PDGFD: variants seen among roughly 807,000 people sequenced by gnomAD.
PDGFD encodes the protein platelet-derived growth factor D.
A neutral mutation model predicts 44.7 loss-of-function variants in PDGFD; 30 were observed. The observed-to-expected ratio is 0.67, with a 90% CI of 0.50 to 0.91. The LOEUF is 0.91. Ranked by LOEUF, PDGFD falls within the 40% of genes least tolerant of loss-of-function variation. The pLI, the probability that PDGFD is intolerant of heterozygous loss-of-function variation, is 0.00. For synonymous variants in PDGFD, 173 were observed against 168.4 expected (o/e 1.03, Z -0.21); for missense variants, 445 against 457.8 (o/e 0.97, Z 0.25).
At chr11:104,154,499 G>A (rs146338130) in intron 1 of PDGFD, among the ~76,000 whole-genome samples, 1 of 152,276 alleles carries the variant, frequency 6.6e-6, no homozygotes, top group African/African-American at 2.4e-5. Context: ...CCGTGGAGCA[G>A]TGGGGATGAT....
At chr11:103,950,702 T>G (rs1181852960) in intron 3 of PDGFD, among the ~76,000 whole-genome samples, 3 of 152,152 alleles carry the variant, frequency 2.0e-5, no homozygotes, top group Non-Finnish European at 4.4e-5. Context: ...AACTGTGTGG[T>G]TGGTGACCTT....
In PDGFD at chr11:103,996,242, A is replaced by G. The variant is rs61751519; in HGVS notation, c.333T>C (p.Tyr111=). 1.9e-4 allele frequency: 305 copies of G among 1,607,604 alleles called. No individual in the cohort carries two copies. Among genetic ancestry groups the G allele is most frequent in the Non-Finnish European group, 2.5e-4 (291 of 1,176,652 alleles). ...ATATATCTTCAACTTCCACAAAATCATACCTAGAATCAATTGGACATAATG... is the reference window on the plus strand; with the variant it reads ...ATATATCTTCAACTTCCACAAAATCGTACCTAGAATCAATTGGACATAATG... The part of the protein sequence containing the change: ...LEEAENDICR[Y]DFVEVEDISE... The change falls in exon 3 of 7, where the codon TAT becomes TAC. Residue 111 remains tyrosine (Y), a synonymous_variant. Transcript: ENST00000393158.
At chr11:104,053,978 CAA>C (rs1302964484) in intron 1 of PDGFD, among the ~76,000 whole-genome samples, 1 of 152,104 alleles carries the variant, frequency 6.6e-6, no homozygotes, top group African/African-American at 2.4e-5. Flanking sequence ...ATAGAAAGAA[CAA>C]AAGAGGCCAG....
At chr11:104,088,385 A>G (rs763500059) in intron 1 of PDGFD, among the ~76,000 whole-genome samples, 1 of 152,170 alleles carries the variant, frequency 6.6e-6, no homozygotes. Flanking sequence ...AGCTCAATAC[A>G]TCACTTTTTT....
intron 6 of PDGFD, among the ~76,000 whole-genome samples, chr11:103,914,774 G>T (rs1223973980): frequency 2.0e-5 from 3 of 152,164 alleles, no homozygotes; most frequent in Non-Finnish European, 2.9e-5. Flanking sequence ...TCATCCCTGG[G>T]ATGCAAGGCT....
chr11:104,153,374 G>C (rs528086769), intron 1 of PDGFD, among the ~76,000 whole-genome samples: 2 of 152,322 alleles, frequency 1.3e-5, no homozygotes, highest in Middle Eastern at 6.8e-3. Context: ...AGGATGTTCA[G>C]CTGTATTAAA....
intron 1 of PDGFD, among the ~76,000 whole-genome samples, chr11:104,151,612 A>T (rs1026784165): frequency 2.0e-5 from 3 of 152,172 alleles, no homozygotes; most frequent in Non-Finnish European, 4.4e-5. Flanking sequence ...TTCGCACATC[A>T]CACATTAAAA....
intron 1 of PDGFD, among the ~76,000 whole-genome samples, chr11:104,093,015 A>G (rs1861232530): frequency 1.3e-5 from 2 of 152,182 alleles, no homozygotes; most frequent in South Asian, 2.1e-4. Context: ...AAGCAGCTAG[A>G]GTTTGCATGG....
At chr11:104,141,983 T>C (rs1862092350) in intron 1 of PDGFD, among the ~76,000 whole-genome samples, 1 of 152,224 alleles carries the variant, frequency 6.6e-6, no homozygotes, top group African/African-American at 2.4e-5. Flanking sequence ...TTGAATTCCA[T>C]TTCCAATTGC....
intron 4 of PDGFD, 115 bp downstream of exon 4, chr11:103,947,547 G>C (rs1858683840): frequency 1.3e-6 from 1 of 754,300 alleles, no homozygotes; most frequent in Non-Finnish European, 2.4e-6. Flanking sequence ...CATCCTGTTT[G>C]AGATCTAGCT....
chr11:104,000,878 G>T (rs1047200535), intron 1 of PDGFD, among the ~76,000 whole-genome samples: 1 of 152,136 alleles, frequency 6.6e-6, no homozygotes, highest in East Asian at 1.9e-4. Context: ...CAGATAAAAA[G>T]AATTTATCTG....
chr11:103,990,786 G>A (rs1404881876), intron 3 of PDGFD, among the ~76,000 whole-genome samples: 3 of 152,042 alleles, frequency 2.0e-5, no homozygotes, highest in Non-Finnish European at 4.4e-5. Context: ...AAATACCATG[G>A]GTGTTCCGAA....
chr11:104,085,572 T>A (rs568771056), intron 1 of PDGFD, among the ~76,000 whole-genome samples: 5 of 152,250 alleles, frequency 3.3e-5, no homozygotes, highest in South Asian at 4.2e-4. Flanking sequence ...AACAAAGGCA[T>A]GTATTTACTT....
chr11:103,908,814 A>G lies in PDGFD; in HGVS notation c.*880T>C, dbSNP rs1417495463. On this transcript the variant is annotated 3_prime_UTR_variant, in exon 7 of 7. Coordinates refer to ENST00000393158, the MANE Select transcript of PDGFD (RefSeq NM_025208.5). The stretch of plus-strand genomic sequence containing the variant: ...CACTGAACACCATCTGGAAAGGTTC[A>G]TACAGAATGCCCATGCCATTCTTGA... 2 of 152,230 alleles carry G rather than the reference A, an allele frequency of 1.3e-5. No homozygotes were observed. Among genetic ancestry groups the G allele is most frequent in the African/African-American group, 4.8e-5 (2 of 41,462 alleles). 9.4% of individuals were successfully genotyped at this position (152,230 alleles called of 1,614,324 possible). A position where few individuals can be genotyped will look rare whatever the true frequency, so the allele number is the denominator to read the frequency against.
intron 6 of PDGFD, among the ~76,000 whole-genome samples, chr11:103,924,165 A>C (rs1456810688): frequency 6.6e-6 from 1 of 152,210 alleles, no homozygotes; most frequent in African/African-American, 2.4e-5. Flanking sequence ...TAATTTTTTA[A>C]ATCAAGCTAA....
chr11:104,126,984 A>G (rs1277942548), intron 1 of PDGFD, among the ~76,000 whole-genome samples: 1 of 152,094 alleles, frequency 6.6e-6, no homozygotes, highest in Non-Finnish European at 1.5e-5. Context: ...TTTTGAGGGT[A>G]GAAGGGGAGT....
intron 3 of PDGFD, among the ~76,000 whole-genome samples, chr11:103,967,171 A>G (rs1346384666): frequency 6.6e-6 from 1 of 152,168 alleles, no homozygotes; most frequent in Non-Finnish European, 1.5e-5. Context: ...TCATACACAG[A>G]TACTTCCTCT....
rs765310819 is a variant in PDGFD, at chr11:103,943,513, C to T, written c.711G>A (p.Glu237=). 1.9e-6 allele frequency: 3 copies of T among 1,613,344 alleles called. No individual in the cohort carries two copies. Among genetic ancestry groups the T allele is most frequent in the South Asian group, 1.1e-5 (1 of 91,044 alleles). The change falls in exon 5 of 7, where the codon GAG becomes GAA. Residue 237 remains glutamate (E), a synonymous_variant. Transcript: ENST00000393158. ...FNPESWQEDL[E]NMYLDTPRYR... ...ACCGAGGGGTGTCCAGATACATATTCTCAAGATCTTCTTGCCATGACTCTG... is the reference window on the plus strand; with the variant it reads ...ACCGAGGGGTGTCCAGATACATATTTTCAAGATCTTCTTGCCATGACTCTG...
intron 1 of PDGFD, among the ~76,000 whole-genome samples, chr11:104,047,826 A>C (rs953193418): frequency 6.6e-6 from 1 of 152,080 alleles, no homozygotes; most frequent in African/African-American, 2.4e-5. Context: ...TCTGAGAATA[A>C]GTTCTTGATT....
Sources: allele counts gnomAD v4.1 joint callset (sites outside exome capture counted in the v4.1 genomes callset), GRCh38; gene constraint gnomAD v4.1.1; transcripts MANE v1.5; gene names NCBI Gene and HGNC (gene_info 2026-07-23, HGNC 2026-07-21).